Variants in CYP51A1 observed in about 807,000 individuals in gnomAD.
CYP51A1 encodes lanosterol 14-alpha demethylase.
A neutral mutation model predicts 53.5 loss-of-function variants in CYP51A1; 45 were observed. The ratio of observed to expected loss-of-function variants is 0.84; its 90% CI spans 0.66 to 1.08. CYP51A1 has a LOEUF of 1.08. CYP51A1 is among the 50% of genes least tolerant of loss of function. The pLI, the probability that CYP51A1 is intolerant of heterozygous loss-of-function variation, is 0.00. For synonymous variants in CYP51A1, 181 were observed against 217.7 expected, an observed-to-expected ratio of 0.83 and a Z score of 1.48; for missense variants, 462 against 621.7, an observed-to-expected ratio of 0.74 and a Z score of 2.73.
At chr7:92,115,133 T>C (rs946293219) in intron 9 of CYP51A1, among the ~76,000 whole-genome samples, 9 of 152,154 alleles carry the variant, frequency 5.9e-5, no homozygotes, top group African/African-American at 2.2e-4. Flanking sequence ...TGAAAATGAA[T>C]GAACTATATG....
At chr7:92,125,632 G>A (rs1464508033) in intron 5 of CYP51A1, among the ~76,000 whole-genome samples, 1 of 152,220 alleles carries the variant, frequency 6.6e-6, no homozygotes, top group East Asian at 1.9e-4. Context: ...AAGTGCTAGA[G>A]AAGAGCTGTA....
chr7:92,117,124 C>A lies in CYP51A1; in HGVS notation c.1271G>T (p.Arg424Leu). 1 of 1,614,054 alleles carries A rather than the reference C, an allele frequency of 6.2e-7. No homozygotes were observed. The highest frequency in any genetic ancestry group is 8.5e-7 in the Non-Finnish European group (1 of 1,179,938). ...NQRLKDSWVE[R>L]LDFNPDRYLQ... The stretch of plus-strand genomic sequence containing the variant: ...GTAGCGATCAGGATTAAAGTCCAGG[C>A]GTTCTACCCATGAGTCTTTAAGTCT... The change falls in exon 9 of 10, where the codon CGC becomes CTC. Residue 424 changes from arginine to leucine, a missense_variant. Physicochemically the swap from Arg to Leu is moderately radical, Grantham distance 102. Transcript: ENST00000003100.
chr7:92,124,494 C>A (rs574525507), intron 5 of CYP51A1, among the ~76,000 whole-genome samples: 1 of 152,280 alleles, frequency 6.6e-6, no homozygotes, highest in Admixed American at 6.5e-5. Flanking sequence ...TAAGATCACA[C>A]AGAAAGCAAA....
Position 92,112,505 on chromosome 7 carries a change from G to GGATT in CYP51A1, c.*1159_*1160insAATC, listed in dbSNP as rs1164911082. 6.6e-6 allele frequency: 1 copy of GGATT among 152,160 alleles called. No individual in the cohort carries two copies. The highest frequency in any genetic ancestry group is 1.5e-5 in the Non-Finnish European group (1 of 68,036). 9.4% of individuals were successfully genotyped at this position (152,160 alleles called of 1,614,324 possible). A position where few individuals can be genotyped will look rare whatever the true frequency, so the allele number is the denominator to read the frequency against. On this transcript the variant is annotated 3_prime_UTR_variant, in exon 10 of 10. Coordinates refer to ENST00000003100, the MANE Select transcript of CYP51A1 (RefSeq NM_000786.4). ...TTAACTGTTTTAATCAATATGAGTA[G>GGATT]TAACAAACATCCCTAATTGGATTCT...
intron 8 of CYP51A1, among the ~76,000 whole-genome samples, chr7:92,117,925 T>C (rs1302439687): frequency 6.6e-6 from 1 of 151,430 alleles, no homozygotes. Context: ...GAGGCGGAGG[T>C]TGCAGTGAGC....
chr7:92,121,762 T>C (rs1312967875), intron 7 of CYP51A1, among the ~76,000 whole-genome samples: 1 of 152,148 alleles, frequency 6.6e-6, no homozygotes, highest in Non-Finnish European at 1.5e-5. Flanking sequence ...ATATCCAGAA[T>C]AGGCAAACTC....
Position 92,129,694 on chromosome 7 carries a change from C to A in CYP51A1, c.292-638G>T, listed in dbSNP as rs1054244187. 5.3e-5 allele frequency among the ~76,000 whole-genome samples: 8 copies of A among 152,252 alleles called. No homozygotes were observed. The East Asian group carries it at 1.5e-3, about 29-fold the overall frequency. On this transcript the variant is annotated intron_variant, in intron 2 of 9. Transcript: ENST00000003100. ...TGAAAAAAAATACTGTCCCAACTCA[C>A]CAAGCTTAGTCTATTGGAAAAAATA...
At chr7:92,130,418 T>A (rs536065572) in intron 2 of CYP51A1, among the ~76,000 whole-genome samples, 12 of 152,336 alleles carry the variant, frequency 7.9e-5, no homozygotes, top group African/African-American at 2.9e-4. Flanking sequence ...TTAATAAAAG[T>A]ATAGGCTCAG....
In CYP51A1 at chr7:92,134,467, G is replaced by A; in HGVS notation, c.-103C>T. Reference sequence around the variant, plus strand: ...GTCGTCCACAGGGGGCCTTGCCCCAGGTCTCCTACTAAACCCAGCCCCACC... The same window carrying A: ...GTCGTCCACAGGGGGCCTTGCCCCAAGTCTCCTACTAAACCCAGCCCCACC... On this transcript the variant is annotated 5_prime_UTR_variant, in exon 1 of 10. Coordinates refer to ENST00000003100, the MANE Select transcript of CYP51A1 (RefSeq NM_000786.4). 1 of 1,281,982 alleles carries A rather than the reference G, an allele frequency of 7.8e-7. No homozygotes were observed. The allele number at this position is 1,281,982 out of a possible 1,614,324, so 79.4% of individuals were successfully genotyped here.
chr7:92,115,090 A>G (rs1462221435), intron 9 of CYP51A1, among the ~76,000 whole-genome samples: 2 of 152,254 alleles, frequency 1.3e-5, no homozygotes, highest in East Asian at 3.8e-4. Flanking sequence ...ATAAGAGTAG[A>G]TAAATTCTGA....
Position 92,131,879 on chromosome 7 carries a change from G to A in CYP51A1, c.193-7C>T. ...AAATGTATGGAGGACTTTTCTACAA[G>A]AGAAAAAAATAGTAAATTCAATTCG... On this transcript the variant is annotated splice_polypyrimidine_tract_variant and splice_region_variant and intron_variant, in intron 1 of 9. Coordinates refer to ENST00000003100, the MANE Select transcript of CYP51A1 (RefSeq NM_000786.4). 2.0e-6 allele frequency: 3 copies of A among 1,496,330 alleles called. No individual in the cohort carries two copies. Among genetic ancestry groups the A allele is most frequent in the South Asian group, 2.3e-5 (2 of 87,148 alleles). 92.7% of individuals were successfully genotyped at this position (1,496,330 alleles called of 1,614,324 possible).
chr7:92,123,106 A>G lies in CYP51A1; in HGVS notation c.1086+14T>C. The G allele has an allele frequency of 6.3e-7, 1 of 1,598,928 alleles. No homozygotes were observed. Among genetic ancestry groups the G allele is most frequent in the East Asian group, 2.2e-5 (1 of 44,712 alleles). The stretch of plus-strand genomic sequence containing the variant: ...AGTCATAAGGCAGCAATGAAACTGA[A>G]AAATCCAACAAACCTGGTCATAAGT... On this transcript the variant is annotated intron_variant, in intron 7 of 9. Coordinates refer to ENST00000003100, the MANE Select transcript of CYP51A1 (RefSeq NM_000786.4).
chr7:92,112,534 G>T lies in CYP51A1; in HGVS notation c.*1131C>A, dbSNP rs557294385. ...CAAACATCCCTAATTGGATTCTAGA[G>T]AGGAAGCAGGGAAGGCCAGGTGCGG... On this transcript the variant is annotated 3_prime_UTR_variant, in exon 10 of 10. Transcript: ENST00000003100. The T allele has an allele frequency of 6.6e-6, 1 of 152,264 alleles. No individual in the cohort carries two copies. Among genetic ancestry groups the T allele is most frequent in the Admixed American group, 6.5e-5 (1 of 15,282 alleles). The allele number at this position is 152,264 out of a possible 1,614,324, so 9.4% of individuals were successfully genotyped here.
chr7:92,123,054 T>C, intron 7 of CYP51A1, 66 bp downstream of exon 7: 1 of 1,275,828 alleles, frequency 7.8e-7, no homozygotes, highest in Non-Finnish European at 1.1e-6. Flanking sequence ...AAATTGTCCC[T>C]TTTAAAAATT....
rs1253205499 is a variant in CYP51A1, at chr7:92,113,349, T to A, written c.*316A>T. The A allele has an allele frequency of 1.2e-5, 3 of 242,642 alleles. No homozygotes were observed. Among genetic ancestry groups the A allele is most frequent in the African/African-American group, 7.0e-5 (3 of 42,880 alleles). The allele number at this position is 242,642 out of a possible 1,614,324, so 15.0% of individuals were successfully genotyped here. A position where few individuals can be genotyped will look rare whatever the true frequency, so the allele number is the denominator to read the frequency against. On this transcript the variant is annotated 3_prime_UTR_variant, in exon 10 of 10. Transcript: ENST00000003100. Reference sequence around the variant, plus strand: ...GAACTTATTTGGCAAGAGCGATGAGTACTCTTAAAATTACTATCTGGAAAT... The same window carrying A: ...GAACTTATTTGGCAAGAGCGATGAGAACTCTTAAAATTACTATCTGGAAAT...
intron 5 of CYP51A1, 39 bp downstream of exon 5, chr7:92,126,214 A>C: frequency 7.0e-7 from 1 of 1,432,786 alleles, no homozygotes; most frequent in Non-Finnish European, 9.3e-7. Context: ...TAATTATACA[A>C]AGTTAAATAA....
rs1399210083 is a variant in CYP51A1, at chr7:92,134,440, T to C, written c.-76A>G. On this transcript the variant is annotated 5_prime_UTR_variant, in exon 1 of 10. Transcript: ENST00000003100. The stretch of plus-strand genomic sequence containing the variant: ...CGACGGAACGAGAGAAGCTGGCAGA[T>C]GGTCGTCCACAGGGGGCCTTGCCCC... The C allele has an allele frequency of 2.1e-6, 3 of 1,441,452 alleles. No homozygotes were observed. Among genetic ancestry groups the C allele is most frequent in the East Asian group, 2.5e-5 (1 of 39,416 alleles). 89.3% of individuals were successfully genotyped at this position (1,441,452 alleles called of 1,614,324 possible).
chr7:92,134,504 A>T, upstream of CYP51A1: 1 of 832,968 alleles, frequency 1.2e-6, no homozygotes, highest in Non-Finnish European at 1.8e-6. Flanking sequence ...CTCGGGTCCC[A>T]CGCGCGCCAC....
chr7:92,126,688 A>AT (rs1345510420), intron 4 of CYP51A1, among the ~76,000 whole-genome samples: 2 of 152,238 alleles, frequency 1.3e-5, no homozygotes, highest in East Asian at 3.8e-4. Context: ...CATGAAAAGA[A>AT]TAAATGTGGT....
Sources: gnomAD v4.1 joint callset for allele counts (sites outside exome capture counted in the v4.1 genomes callset) on GRCh38, gnomAD v4.1.1 for gene constraint, MANE v1.5 for transcripts, NCBI Gene and HGNC (gene_info 2026-07-23, HGNC 2026-07-21) for gene names.